The following SPATA18 variants were observed in gnomAD, a reference collection of about 807,000 sequenced individuals.
The protein encoded by SPATA18 is spermatogenesis associated 18.
A neutral mutation model predicts 68.1 loss-of-function variants in SPATA18; 54 were observed. That is an observed-to-expected ratio of 0.79 (90% CI 0.64 to 0.99). The LOEUF is 0.99. Among genes scored for constraint, SPATA18 ranks in the 50% least tolerant of loss-of-function variants. The pLI is 0.00. For missense variants in SPATA18, 724 were observed against 681.1 expected, an observed-to-expected ratio of 1.06 and a Z score of -0.70; for synonymous variants, 242 against 244.8, an observed-to-expected ratio of 0.99 and a Z score of 0.11.
At chr4:52,079,167 A>G (rs561659839) in intron 8 of SPATA18, among the ~76,000 whole-genome samples, 6 of 152,302 alleles carry the variant, frequency 3.9e-5, no homozygotes, top group Non-Finnish European at 7.4e-5. Context: ...GGATTTGGGG[A>G]AAAGTATGTA....
chr4:52,055,281 G>A (rs944247795), intron 1 of SPATA18, among the ~76,000 whole-genome samples: 10 of 152,142 alleles, frequency 6.6e-5, no homozygotes, highest in South Asian at 2.1e-4. Context: ...CACTTATAAC[G>A]TGGAAACTTC....
intron 4 of SPATA18, among the ~76,000 whole-genome samples, chr4:52,066,631 A>C (rs1578162325): frequency 6.6e-6 from 1 of 152,264 alleles, no homozygotes; most frequent in East Asian, 1.9e-4. Context: ...CACATGCATT[A>C]GCTATTTATC....
At chr4:52,064,109 G>T (rs984813781) in intron 4 of SPATA18, among the ~76,000 whole-genome samples, 2 of 151,720 alleles carry the variant, frequency 1.3e-5, no homozygotes, top group Non-Finnish European at 2.9e-5. Context: ...CTAGAATAGC[G>T]CTAAACATTT....
At chr4:52,085,602 C>T (rs1741351119) in intron 11 of SPATA18, among the ~76,000 whole-genome samples, 1 of 152,134 alleles carries the variant, frequency 6.6e-6, no homozygotes, top group South Asian at 2.1e-4. Context: ...GTGGCTGACA[C>T]CTGTAACTCT....
At chr4:52,061,243 G>A (rs998979884) in intron 3 of SPATA18, among the ~76,000 whole-genome samples, 2 of 151,934 alleles carry the variant, frequency 1.3e-5, no homozygotes, top group African/African-American at 4.8e-5. Flanking sequence ...AACATCACAT[G>A]TTCTCACTCA....
At chr4:52,055,977 C>T (rs1045475442) in intron 1 of SPATA18, among the ~76,000 whole-genome samples, 4 of 152,090 alleles carry the variant, frequency 2.6e-5, no homozygotes, top group African/African-American at 7.2e-5. Flanking sequence ...TAAACCATGC[C>T]CTTCTGCTTC....
intron 1 of SPATA18, among the ~76,000 whole-genome samples, chr4:52,058,893 A>G (rs961457449): frequency 2.6e-5 from 4 of 152,228 alleles, no homozygotes; most frequent in African/African-American, 9.6e-5. Context: ...CTCATCTGAA[A>G]TGGGAATGAT....
intron 4 of SPATA18, among the ~76,000 whole-genome samples, chr4:52,066,699 C>G (rs935000741): frequency 6.6e-6 from 1 of 151,464 alleles, no homozygotes; most frequent in Non-Finnish European, 1.5e-5. Context: ...GTTCCCCTCC[C>G]TGTGTCCCTG....
chr4:52,086,139 C>A (rs568012213), intron 11 of SPATA18, among the ~76,000 whole-genome samples: 10 of 152,186 alleles, frequency 6.6e-5, no homozygotes, highest in African/African-American at 1.9e-4. Context: ...ATCCGGCAAC[C>A]CTACACACTT....
chr4:52,078,586 C>T (rs1256351788), intron 7 of SPATA18, 149 bp from the exon 8 acceptor site: 1 of 587,890 alleles, frequency 1.7e-6, no homozygotes, highest in East Asian at 2.9e-5. Flanking sequence ...GATGTATTTT[C>T]TTCCAGACTA....
chr4:52,077,252 A>ATCCC (rs997185489), intron 7 of SPATA18, among the ~76,000 whole-genome samples: 5 of 87,832 alleles, frequency 5.7e-5, no homozygotes, highest in Admixed American at 2.4e-4. Context: ...TGTTCCCTCC[A>ATCCC]TCCCTCCCTC....
chr4:52,070,010 A>G, intron 5 of SPATA18, 94 bp downstream of exon 5: 1 of 555,918 alleles, frequency 1.8e-6, no homozygotes, highest in Non-Finnish European at 2.7e-6. Context: ...GTTCACTATC[A>G]GAGAGAAAAT....
In SPATA18 at chr4:52,051,495, G is replaced by A; in HGVS notation, c.-210G>A. 1 of 553,200 alleles carries A rather than the reference G, an allele frequency of 1.8e-6. No individual in the cohort carries two copies. The highest frequency in any genetic ancestry group is 2.5e-5 in the South Asian group (1 of 39,482). The allele number at this position is 553,200 out of a possible 1,614,324, so 34.3% of individuals were successfully genotyped here. On this transcript the variant is annotated 5_prime_UTR_variant, in exon 1 of 13. Coordinates refer to ENST00000295213, the MANE Select transcript of SPATA18 (RefSeq NM_145263.4). ...GACCGCGCGGGACGGCGGATGAGGC[G>A]CGGCGGCTGCGGCCCAGGGCACCTC...
intron 4 of SPATA18, among the ~76,000 whole-genome samples, chr4:52,065,225 T>A (rs1739219940): frequency 6.6e-6 from 1 of 152,212 alleles, no homozygotes; most frequent in South Asian, 2.1e-4. Flanking sequence ...GGGTTGTCTG[T>A]TTACTCCGCT....
chr4:52,072,345 A>G (rs1289119486), intron 6 of SPATA18, among the ~76,000 whole-genome samples, 189 bp downstream of exon 6: 3 of 152,156 alleles, frequency 2.0e-5, no homozygotes, highest in Non-Finnish European at 4.4e-5. Flanking sequence ...ATACCTCCTG[A>G]GTTGCCAGCA....
At position 52,094,872 on chromosome 4, in the gene SPATA18, C is replaced by T. The variant is rs752035577; in HGVS notation, c.1610-8C>T. 1.9e-5 allele frequency: 30 copies of T among 1,613,834 alleles called. No individual in the cohort carries two copies. Among genetic ancestry groups the T allele is most frequent in the South Asian group, 4.4e-5 (4 of 91,078 alleles). Reference sequence around the variant, plus strand: ...CCATAATAATGAACTGTCTATTTTTCTCCCTAGGATTTTAAAAGCACCAGA... The same window carrying T: ...CCATAATAATGAACTGTCTATTTTTTTCCCTAGGATTTTAAAAGCACCAGA... On this transcript the variant is annotated splice_region_variant and splice_polypyrimidine_tract_variant and intron_variant, in intron 12 of 12. Coordinates refer to ENST00000295213, the MANE Select transcript of SPATA18 (RefSeq NM_145263.4).
chr4:52,055,285 A>G (rs1167115900), intron 1 of SPATA18, among the ~76,000 whole-genome samples: 1 of 152,218 alleles, frequency 6.6e-6, no homozygotes, highest in Non-Finnish European at 1.5e-5. Context: ...TATAACGTGG[A>G]AACTTCTTAT....
In SPATA18 at chr4:52,051,666, C is replaced by G. The variant is rs201250482; in HGVS notation, c.-39C>G. The G allele has an allele frequency of 6.2e-7, 1 of 1,601,540 alleles. No individual in the cohort carries two copies. ...AGGCCACCGCCTGGTCCCCCCAAGT[C>G]TCCATCGCGCAGCGTGGGGCCGAGA... On this transcript the variant is annotated 5_prime_UTR_variant, in exon 1 of 13. Coordinates refer to ENST00000295213, the MANE Select transcript of SPATA18 (RefSeq NM_145263.4).
At chr4:52,056,137 G>A (rs1052673304) in intron 1 of SPATA18, among the ~76,000 whole-genome samples, 3 of 151,740 alleles carry the variant, frequency 2.0e-5, no homozygotes, top group Non-Finnish European at 2.9e-5. Context: ...CCCTCATTCT[G>A]CCCTCAGCCC....
Sources: allele counts gnomAD v4.1 joint callset (sites outside exome capture counted in the v4.1 genomes callset), GRCh38; gene constraint gnomAD v4.1.1; transcripts MANE v1.5; gene names NCBI Gene and HGNC (gene_info 2026-07-23, HGNC 2026-07-21).